PCDHGA1: variants seen among roughly 807,000 people sequenced by gnomAD.
PCDHGA1 encodes the protein protocadherin gamma subfamily A, 1.
A neutral mutation model predicts 58.0 loss-of-function variants in PCDHGA1; 32 were observed. The observed-to-expected ratio is 0.55, with a 90% confidence interval of 0.42 to 0.74. PCDHGA1 has a LOEUF of 0.74. PCDHGA1 is among the 30% of genes least tolerant of loss of function. The probability of loss-of-function intolerance (pLI) is 0.00; values close to 1 mark genes in which losing one functional copy is unlikely to be tolerated. For missense variants in PCDHGA1, 1,205 were observed against 1,182.3 expected, an observed-to-expected ratio of 1.02 and a Z score of -0.28; for synonymous variants, 498 against 501.1, an observed-to-expected ratio of 0.99 and a Z score of 0.08.
Position 141,331,315 on chromosome 5 carries a change from A to T in PCDHGA1, c.631A>T (p.Ile211Phe). The change falls in exon 1 of 4, where the codon ATC becomes TTC. Residue 211 changes from isoleucine (I) to phenylalanine (F), a missense_variant. Physicochemically the swap from Ile to Phe is conservative, Grantham distance 21 (BLOSUM62 0). Transcript: ENST00000517417. Reference protein sequence around the residue: ...DREEEAVHHLILTASDGGEPV... With the variant: ...DREEEAVHHLFLTASDGGEPV... The stretch of plus-strand genomic sequence containing the variant: ...AGAAGAAGAAGCTGTCCACCACCTC[A>T]TCCTCACAGCTTCTGATGGGGGTGA... 1 of 1,614,102 alleles carries T rather than the reference A, an allele frequency of 6.2e-7. No homozygotes were observed. The highest frequency in any genetic ancestry group is 8.5e-7 in the Non-Finnish European group (1 of 1,179,992).
At chr5:141,475,819 G>A (rs1232669115) in intron 1 of PCDHGA1, 4 of 350,114 alleles carry the variant, frequency 1.1e-5, no homozygotes, top group Non-Finnish European at 1.6e-5. Context: ...GAAGTTCCTG[G>A]CGCTAGCGCG....
chr5:141,512,241 G>A lies in PCDHGA1; in HGVS notation c.*1068G>A, dbSNP rs533051658. On this transcript the variant is annotated 3_prime_UTR_variant, in exon 4 of 4. Coordinates refer to ENST00000517417, the MANE Select transcript of PCDHGA1 (RefSeq NM_018912.3). ...CCAGGTCCCCTTGAGAGGTCAGAGGGGCCTCTGTGGGTGCTGGGTACTCCA... is the reference window on the plus strand; with the variant it reads ...CCAGGTCCCCTTGAGAGGTCAGAGGAGCCTCTGTGGGTGCTGGGTACTCCA... 1 of 152,866 alleles carries A rather than the reference G, an allele frequency of 6.5e-6. No individual in the cohort carries two copies. The highest frequency in any genetic ancestry group is 2.1e-4 in the South Asian group (1 of 4,824). 9.5% of individuals were successfully genotyped at this position (152,866 alleles called of 1,614,324 possible).
At chr5:141,372,218 T>C in intron 1 of PCDHGA1, 1 of 1,613,544 alleles carries the variant, frequency 6.2e-7, no homozygotes, top group Non-Finnish European at 8.5e-7. Flanking sequence ...CCTACCACAT[T>C]GTGCAGGCCA....
chr5:141,371,365 G>T, intron 1 of PCDHGA1: 1 of 1,614,006 alleles, frequency 6.2e-7, no homozygotes, highest in South Asian at 1.1e-5. Flanking sequence ...GCAAAGGATG[G>T]TGGACATCAC....
At position 141,431,389 on chromosome 5, in the gene PCDHGA1, G is replaced by A; in HGVS notation, c.2422-63418G>A. 2 of 1,613,876 alleles carry A rather than the reference G, an allele frequency of 1.2e-6. No individual in the cohort carries two copies. The highest frequency in any genetic ancestry group is 1.7e-6 in the Non-Finnish European group (2 of 1,180,040). ...GCGAAGAAAAGGCTGCTCACCACCT[G>A]GTCCTTACGGCCTCCGACGGGGGCG... On this transcript the variant is annotated intron_variant, in intron 1 of 3. Coordinates refer to ENST00000517417, the MANE Select transcript of PCDHGA1 (RefSeq NM_018912.3). This position sits in a 1 kb window ranked among gnomAD's most constrained non-coding sequence, Gnocchi z 4.8.
intron 1 of PCDHGA1, 59 bp downstream of exon 1, chr5:141,333,164 TA>T: frequency 6.2e-7 from 1 of 1,609,760 alleles, no homozygotes. Context: ...TGATTTAACT[TA>T]CTAGCGTTCG....
At chr5:141,360,732 T>G in intron 1 of PCDHGA1, 1 of 1,613,960 alleles carries the variant, frequency 6.2e-7, no homozygotes, top group Non-Finnish European at 8.5e-7. Flanking sequence ...TAAAACACTC[T>G]CTGGACAGAG....
At chr5:141,360,270 G>C (rs1761507525) in intron 1 of PCDHGA1, 4 of 1,613,904 alleles carry the variant, frequency 2.5e-6, no homozygotes, top group South Asian at 1.1e-5. Context: ...CCAAAAACTC[G>C]GTCGTAGGAA....
chr5:141,384,134 G>A (rs746106528), intron 1 of PCDHGA1: 1 of 1,611,962 alleles, frequency 6.2e-7, no homozygotes, highest in Admixed American at 1.7e-5. Flanking sequence ...AACTTGGACC[G>A]GGAAACACTC....
At chr5:141,399,679 T>C (rs757165628) in intron 1 of PCDHGA1, 4 of 1,613,560 alleles carry the variant, frequency 2.5e-6, no homozygotes, top group South Asian at 2.2e-5. Flanking sequence ...CGCCTTTGAC[T>C]ACGAGCAGCT....
intron 1 of PCDHGA1, chr5:141,441,629 G>T: frequency 4.5e-6 from 1 of 224,156 alleles, no homozygotes; most frequent in Non-Finnish European, 9.0e-6. Flanking sequence ...GTGACCTGGA[G>T]CCACAGGCGC....
intron 1 of PCDHGA1, among the ~76,000 whole-genome samples, chr5:141,380,672 T>C (rs1401105927): frequency 1.3e-5 from 2 of 152,212 alleles, no homozygotes; most frequent in Non-Finnish European, 1.5e-5. Context: ...CTCCATAGGG[T>C]ATGTATGCTT....
chr5:141,480,730 G>A (rs1261461187), intron 1 of PCDHGA1, among the ~76,000 whole-genome samples: 1 of 152,168 alleles, frequency 6.6e-6, no homozygotes, highest in East Asian at 1.9e-4. Flanking sequence ...GTCTCTGGGG[G>A]TGGGACATAG....
chr5:141,394,996 C>T (rs1331251272), intron 1 of PCDHGA1: 1 of 1,613,916 alleles, frequency 6.2e-7, no homozygotes, highest in African/African-American at 1.3e-5. Flanking sequence ...CTCCAGGATT[C>T]CGGTGGCAGA....
intron 1 of PCDHGA1, among the ~76,000 whole-genome samples, chr5:141,466,387 A>G (rs1312030857): frequency 1.3e-5 from 2 of 152,108 alleles, no homozygotes; most frequent in Non-Finnish European, 2.9e-5. Flanking sequence ...CATCTAATGG[A>G]AAGTTTGCTC....
chr5:141,394,520 A>G, intron 1 of PCDHGA1: 4 of 1,614,190 alleles, frequency 2.5e-6, no homozygotes, highest in African/African-American at 1.3e-5. Context: ...CCCTCCCCAC[A>G]GACGGTTCCA....
intron 1 of PCDHGA1, chr5:141,408,948 T>C (rs768951087): frequency 6.2e-7 from 1 of 1,613,478 alleles, no homozygotes; most frequent in Non-Finnish European, 8.5e-7. Context: ...GAATATAGAA[T>C]TAGTCTTAGT....
intron 1 of PCDHGA1, chr5:141,344,202 C>T (rs1267309332): frequency 6.2e-7 from 1 of 1,614,012 alleles, no homozygotes; most frequent in South Asian, 1.1e-5. Flanking sequence ...GCTAGAGCCC[C>T]GGGAGCTGGC....
chr5:141,486,100 C>G lies in PCDHGA1; in HGVS notation c.2422-8707C>G. Reference sequence around the variant, plus strand: ...AGCTTACTCTTTTGGGGCCCCTAGACTTTGAGAGTGAGAATTACTATGAAT... The same window carrying G: ...AGCTTACTCTTTTGGGGCCCCTAGAGTTTGAGAGTGAGAATTACTATGAAT... On this transcript the variant is annotated intron_variant, in intron 1 of 3. Transcript: ENST00000517417. This position sits in a 1 kb window ranked among gnomAD's most constrained non-coding sequence, Gnocchi z 5.0. 1 of 1,614,190 alleles carries G rather than the reference C, an allele frequency of 6.2e-7. No individual in the cohort carries two copies. The highest frequency in any genetic ancestry group is 1.1e-5 in the South Asian group (1 of 91,086).
Sources: allele counts gnomAD v4.1 joint callset (sites outside exome capture counted in the v4.1 genomes callset), GRCh38; gene constraint gnomAD v4.1.1; non-coding constraint Gnocchi (gnomAD v3.1); transcripts MANE v1.5; gene names NCBI Gene and HGNC (gene_info 2026-07-23, HGNC 2026-07-21).